The following MAPRE2 variants were observed in gnomAD, a reference collection of about 807,000 sequenced individuals.
MAPRE2 encodes microtubule-associated protein RP/EB family member 2.
A neutral mutation model predicts 43.2 loss-of-function variants in MAPRE2; 13 were observed. The observed-to-expected ratio is 0.30, with a 90% CI of 0.20 to 0.48. MAPRE2 has a LOEUF of 0.48. Among genes scored for constraint, MAPRE2 ranks in the 20% least tolerant of loss-of-function variants. The pLI, the probability that MAPRE2 is intolerant of heterozygous loss-of-function variation, is 0.99. For missense variants in MAPRE2, 161 were observed against 400.2 expected, an observed-to-expected ratio of 0.40 and a Z score of 5.10; for synonymous variants, 135 against 148.8, an observed-to-expected ratio of 0.91 and a Z score of 0.68.
At chr18:35,093,661 A>G (rs1281905262) in intron 2 of MAPRE2, among the ~76,000 whole-genome samples, 1 of 152,238 alleles carries the variant, frequency 6.6e-6, no homozygotes, top group Non-Finnish European at 1.5e-5. Context: ...GAAATAAGCC[A>G]GGCACAGAAA....
intron 5 of MAPRE2, among the ~76,000 whole-genome samples, chr18:35,128,122 T>C (rs1909987114): frequency 6.6e-6 from 1 of 152,210 alleles, no homozygotes; most frequent in African/African-American, 2.4e-5. Flanking sequence ...AAGAATCTAG[T>C]TTAATGGAGG....
At chr18:35,043,419 T>G (rs1450433118) in intron 1 of MAPRE2, among the ~76,000 whole-genome samples, 1 of 152,246 alleles carries the variant, frequency 6.6e-6, no homozygotes, top group Non-Finnish European at 1.5e-5. Context: ...TTATTACTCA[T>G]GTAAACTAAC....
At chr18:35,036,668 A>G (rs1308120260), upstream of MAPRE2, among the ~76,000 whole-genome samples, 8 of 152,164 alleles carry the variant, frequency 5.3e-5, no homozygotes, top group African/African-American at 9.7e-5. Flanking sequence ...ATATAGCCTA[A>G]TGGATAAGCA....
At chr18:35,063,997 CT>C (rs200111990) in intron 1 of MAPRE2, among the ~76,000 whole-genome samples, 1,155 of 35,336 alleles carry the variant, frequency 0.033, 141 homozygotes, top group African/African-American at 0.084. Flanking sequence ...GACCCTGTCT[CT>C]TTAAAAAAAA....
At chr18:35,025,131 T>C (rs561141262) in intron 2 of MAPRE2, among the ~76,000 whole-genome samples, 1 of 152,336 alleles carries the variant, frequency 6.6e-6, no homozygotes, top group South Asian at 2.1e-4. Flanking sequence ...TCATAACCAC[T>C]GTGAAGTTTC....
At chr18:35,126,848 A>G in intron 4 of MAPRE2, 100 bp from the exon 5 acceptor site, 2 of 988,260 alleles carry the variant, frequency 2.0e-6, no homozygotes, top group African/African-American at 1.6e-5. Flanking sequence ...GGTATCTCTT[A>G]TATGTTGTTG....
At position 34,978,277 on chromosome 18, in the gene MAPRE2, A is replaced by G. The variant is rs72964276; in HGVS notation, c.-70+1198A>G. The G allele has an allele frequency of 1.3e-3, 759 of 583,272 alleles. 2 individuals are homozygous for G. Among genetic ancestry groups the G allele is most frequent in the Non-Finnish European group, 1.8e-3 (584 of 332,422 alleles). 36.1% of individuals were successfully genotyped at this position (583,272 alleles called of 1,614,324 possible). A position where few individuals can be genotyped will look rare whatever the true frequency, so the allele number is the denominator to read the frequency against. Reference sequence around the variant, plus strand: ...GCTAGGCAGGAAGAGGTCACTAAAAATACTATCGTGCTGTCAATGTAGAAT... The same window carrying G: ...GCTAGGCAGGAAGAGGTCACTAAAAGTACTATCGTGCTGTCAATGTAGAAT... On this transcript the variant is annotated intron_variant, in intron 1 of 7. Coordinates refer to the MAPRE2 transcript ENST00000413393.
intron 1 of MAPRE2, among the ~76,000 whole-genome samples, chr18:35,004,918 CAAA>C (rs576525353): frequency 2.3e-5 from 2 of 86,778 alleles, no homozygotes; most frequent in African/African-American, 4.5e-5. Context: ...ACTCCATCTC[CAAA>C]AAAAAAAAAA....
intron 1 of MAPRE2, among the ~76,000 whole-genome samples, chr18:35,051,196 A>G (rs915958379): frequency 1.3e-5 from 2 of 152,040 alleles, no homozygotes; most frequent in African/African-American, 4.8e-5. Context: ...CTGTCTTTTC[A>G]AGGGCAGAGT....
intron 1 of MAPRE2, among the ~76,000 whole-genome samples, chr18:35,004,911 C>A (rs2097031083): frequency 6.7e-6 from 1 of 149,172 alleles, no homozygotes; most frequent in Admixed American, 6.7e-5. Context: ...GAGCGAGACT[C>A]CATCTCCAAA....
chr18:35,070,125 C>T, intron 1 of MAPRE2, 70 bp from the exon 2 acceptor site: 4 of 1,420,412 alleles, frequency 2.8e-6, no homozygotes, highest in Non-Finnish European at 3.8e-6. Context: ...GGATCTTGAC[C>T]TCGAATAGGT....
chr18:34,997,048 G>C (rs76985905), intron 1 of MAPRE2, among the ~76,000 whole-genome samples: 1,601 of 152,172 alleles, frequency 0.011, 25 homozygotes, highest in African/African-American at 0.036. Flanking sequence ...GCTTAAAAAA[G>C]GGGGGTGGGA....
At chr18:35,106,377 G>GTT (rs1296004317) in intron 4 of MAPRE2, among the ~76,000 whole-genome samples, 2 of 151,944 alleles carry the variant, frequency 1.3e-5, no homozygotes, top group African/African-American at 4.8e-5. Flanking sequence ...CTATTATACA[G>GTT]TAAGAGCAGT....
At chr18:34,982,466 C>A (rs986410254) in intron 1 of MAPRE2, among the ~76,000 whole-genome samples, 1 of 152,042 alleles carries the variant, frequency 6.6e-6, no homozygotes, top group South Asian at 2.1e-4. Context: ...TTGGAGGCCA[C>A]GAAGAATAAA....
intron 2 of MAPRE2, among the ~76,000 whole-genome samples, chr18:35,094,996 A>G (rs1033401529): frequency 6.6e-6 from 1 of 152,144 alleles, no homozygotes; most frequent in Admixed American, 6.6e-5. Context: ...GCACTATAGC[A>G]TCTCCCCAGG....
At chr18:34,977,865 G>C (rs562542275) in intron 1 of MAPRE2, among the ~76,000 whole-genome samples, 1 of 152,324 alleles carries the variant, frequency 6.6e-6, no homozygotes, top group South Asian at 2.1e-4. Flanking sequence ...ATCCCACAAA[G>C]AGCCAGGAGA....
rs576479792 is a variant in MAPRE2, at chr18:35,026,490, A to G, written c.-8+20937A>G. On this transcript the variant is annotated intron_variant, in intron 2 of 7. Coordinates refer to the MAPRE2 transcript ENST00000413393. ...ACATTTTTACAAGGTGCTTTTGGAA[A>G]CCTGAATGGAGATTTGACTTTTTTT... Among the ~76,000 whole-genome samples, 2 of 151,728 alleles carry G rather than the reference A, an allele frequency of 1.3e-5. 1 individual carries two copies. The highest frequency in any genetic ancestry group is 4.2e-4 in the South Asian group (2 of 4,786).
In MAPRE2 at chr18:34,978,456, C is replaced by T. The variant is rs540632921; in HGVS notation, c.-70+1377C>T. 1,204 of 1,483,956 alleles carry T rather than the reference C, an allele frequency of 8.1e-4. 23 individuals carry two copies. The South Asian group carries it at 0.014, about 17-fold the overall frequency. 91.9% of individuals were successfully genotyped at this position (1,483,956 alleles called of 1,614,324 possible). ...GACCGGTTGCGATTGTGGTCAGACG[C>T]AGCACCTACTTCTAATCTGAGGACC... On this transcript the variant is annotated intron_variant, in intron 1 of 7. Coordinates refer to the MAPRE2 transcript ENST00000413393.
intron 1 of MAPRE2, among the ~76,000 whole-genome samples, chr18:35,067,735 C>G (rs1279885255): frequency 6.6e-6 from 1 of 151,946 alleles, no homozygotes; most frequent in Non-Finnish European, 1.5e-5. Flanking sequence ...CCATCAGCTG[C>G]CAAAAGTTAT....
Sources: allele counts gnomAD v4.1 joint callset (sites outside exome capture counted in the v4.1 genomes callset), GRCh38; gene constraint gnomAD v4.1.1; transcripts MANE v1.5; gene names NCBI Gene and HGNC (gene_info 2026-07-23, HGNC 2026-07-21).